KCNH5: variants seen among roughly 807,000 people sequenced by gnomAD.
KCNH5 encodes voltage-gated delayed rectifier potassium channel KCNH5.
KCNH5 carries 46 observed loss-of-function variants against 96.1 expected under a neutral mutation model. The ratio of observed to expected loss-of-function variants is 0.48; its 90% CI spans 0.38 to 0.61. The LOEUF is 0.61. KCNH5 is among the 20% of genes least tolerant of loss of function. The probability of loss-of-function intolerance (pLI) is 0.00; values close to 1 mark genes in which losing one functional copy is unlikely to be tolerated. For missense variants in KCNH5, 907 were observed against 1,225.8 expected, an observed-to-expected ratio of 0.74 and a Z score of 3.88; for synonymous variants, 439 against 449.8, an observed-to-expected ratio of 0.98 and a Z score of 0.30.
intron 7 of KCNH5, among the ~76,000 whole-genome samples, chr14:62,877,407 A>C (rs1283075322): frequency 6.6e-6 from 1 of 152,100 alleles, no homozygotes; most frequent in Non-Finnish European, 1.5e-5. Flanking sequence ...GTGAACAGGC[A>C]ACCTACAAAA....
At chr14:62,817,513 A>C (rs1350628893) in intron 8 of KCNH5, among the ~76,000 whole-genome samples, 1 of 149,402 alleles carries the variant, frequency 6.7e-6, no homozygotes, top group Non-Finnish European at 1.5e-5. Context: ...AGAATGAAAA[A>C]GAGTGAAGAG....
At chr14:62,984,937 C>A (rs979716462) in intron 5 of KCNH5, among the ~76,000 whole-genome samples, 2 of 152,118 alleles carry the variant, frequency 1.3e-5, no homozygotes, top group African/African-American at 4.8e-5. Flanking sequence ...CTTGTTGTCG[C>A]TCTGTTGTGT....
intron 6 of KCNH5, among the ~76,000 whole-genome samples, chr14:62,967,449 G>C (rs916003684): frequency 6.6e-6 from 1 of 151,790 alleles, no homozygotes; most frequent in African/African-American, 2.4e-5. Flanking sequence ...TCAGTTCCCA[G>C]GGAAGCAAAG....
chr14:62,777,468 C>T (rs575587181), intron 10 of KCNH5, among the ~76,000 whole-genome samples: 1 of 152,282 alleles, frequency 6.6e-6, no homozygotes, highest in East Asian at 1.9e-4. Flanking sequence ...AACATGTTCT[C>T]AGATGGTAGC....
At chr14:62,799,495 C>T (rs1886604538) in intron 9 of KCNH5, among the ~76,000 whole-genome samples, 1 of 144,632 alleles carries the variant, frequency 6.9e-6, no homozygotes, top group Non-Finnish European at 1.5e-5. Context: ...ATTGCTTGAA[C>T]CTGGGAGGCG....
At chr14:62,849,333 G>C (rs1171238514) in intron 8 of KCNH5, among the ~76,000 whole-genome samples, 1 of 152,132 alleles carries the variant, frequency 6.6e-6, no homozygotes, top group East Asian at 1.9e-4. Flanking sequence ...AAAAATGGCA[G>C]CACTCTGAGT....
chr14:62,817,255 A>G (rs1887005259), intron 8 of KCNH5, among the ~76,000 whole-genome samples: 1 of 137,828 alleles, frequency 7.3e-6, no homozygotes, highest in Admixed American at 8.1e-5. Flanking sequence ...TATATCATAT[A>G]TATATAATAT....
chr14:62,756,077 A>G (rs575705020), intron 10 of KCNH5, among the ~76,000 whole-genome samples: 1 of 152,222 alleles, frequency 6.6e-6, no homozygotes, highest in East Asian at 1.9e-4. Flanking sequence ...CCAAAAAACT[A>G]TTAGAACTGA....
chr14:62,748,792 C>T (rs747515925), intron 10 of KCNH5, among the ~76,000 whole-genome samples: 1 of 152,052 alleles, frequency 6.6e-6, no homozygotes, highest in Non-Finnish European at 1.5e-5. Context: ...TAATAAGTGT[C>T]CAATTTAAGA....
At chr14:62,836,429 T>A (rs1887468228) in intron 8 of KCNH5, among the ~76,000 whole-genome samples, 1 of 152,074 alleles carries the variant, frequency 6.6e-6, no homozygotes, top group South Asian at 2.1e-4. Context: ...CCTTACCAAT[T>A]AATAAAAACA....
At chr14:62,899,422 C>T (rs886944424) in intron 7 of KCNH5, among the ~76,000 whole-genome samples, 51 of 151,594 alleles carry the variant, frequency 3.4e-4, no homozygotes, top group African/African-American at 1.1e-3. Flanking sequence ...AATGATCTCG[C>T]CAAAAAATAA....
At chr14:62,824,170 T>C (rs1887171685) in intron 8 of KCNH5, among the ~76,000 whole-genome samples, 1 of 152,004 alleles carries the variant, frequency 6.6e-6, no homozygotes, top group South Asian at 2.1e-4. Context: ...GATGCAGACA[T>C]AGTTTCAGAT....
At chr14:62,864,822 T>C (rs1888102335) in intron 7 of KCNH5, among the ~76,000 whole-genome samples, 1 of 152,200 alleles carries the variant, frequency 6.6e-6, no homozygotes, top group Non-Finnish European at 1.5e-5. Flanking sequence ...GAACCTTTTT[T>C]GTTCATTAAA....
chr14:62,738,496 T>C (rs1158926844), intron 10 of KCNH5, among the ~76,000 whole-genome samples: 2 of 152,122 alleles, frequency 1.3e-5, no homozygotes, highest in Non-Finnish European at 2.9e-5. Flanking sequence ...AAGTGTATCA[T>C]CTCATATAAA....
At chr14:62,735,504 A>G (rs1025097652) in intron 10 of KCNH5, among the ~76,000 whole-genome samples, 1 of 152,306 alleles carries the variant, frequency 6.6e-6, no homozygotes, top group East Asian at 1.9e-4. Flanking sequence ...TCATTCAGAT[A>G]AGTACTGCTA....
intron 9 of KCNH5, among the ~76,000 whole-genome samples, chr14:62,785,178 C>T (rs759864248): frequency 3.3e-5 from 5 of 152,102 alleles, no homozygotes; most frequent in Non-Finnish European, 7.4e-5. Context: ...AAACTTTTAC[C>T]GTGTTTCTGG....
At chr14:62,723,233 C>T (rs545596950) in intron 10 of KCNH5, among the ~76,000 whole-genome samples, 42 of 152,166 alleles carry the variant, frequency 2.8e-4, no homozygotes, top group Non-Finnish European at 5.1e-4. Context: ...TTTACATTTG[C>T]TTTCTAAAAG....
chr14:62,857,441 A>G (rs1005757498), intron 7 of KCNH5, among the ~76,000 whole-genome samples: 1 of 152,204 alleles, frequency 6.6e-6, no homozygotes, highest in Admixed American at 6.5e-5. Flanking sequence ...CAGAACTAAT[A>G]GGATATATCT....
At chr14:62,909,097 G>C (rs1459408497) in intron 7 of KCNH5, among the ~76,000 whole-genome samples, 1 of 131,256 alleles carries the variant, frequency 7.6e-6, no homozygotes, top group Non-Finnish European at 1.6e-5. Context: ...CCAGGCTGGA[G>C]TGCAGTGGCG....
Sources: allele counts gnomAD v4.1 joint callset (sites outside exome capture counted in the v4.1 genomes callset), GRCh38; gene constraint gnomAD v4.1.1; transcripts MANE v1.5; gene names NCBI Gene and HGNC (gene_info 2026-07-23, HGNC 2026-07-21).